The following MAGI2 variants were observed in gnomAD, a reference collection of about 807,000 sequenced individuals.
The protein encoded by MAGI2 is membrane-associated guanylate kinase, WW and PDZ domain-containing protein 2.
In MAGI2, 35 loss-of-function variants were observed where a neutral mutation model predicts 133.3. The ratio of observed to expected loss-of-function variants is 0.26; its 90% CI spans 0.20 to 0.35. The LOEUF is 0.35. Among genes scored for constraint, MAGI2 ranks in the 10% least tolerant of loss-of-function variants. The pLI, the probability that MAGI2 is intolerant of heterozygous loss-of-function variation, is 1.00. For synonymous variants in MAGI2, 729 were observed against 710.6 expected, an observed-to-expected ratio of 1.03 and a Z score of -0.41; for missense variants, 1,636 against 1,863.4, an observed-to-expected ratio of 0.88 and a Z score of 2.25.
intron 2 of MAGI2, among the ~76,000 whole-genome samples, chr7:79,005,574 G>A (rs1044729915): frequency 6.6e-6 from 1 of 152,016 alleles, no homozygotes; most frequent in South Asian, 2.1e-4. Context: ...CCTTAGCAAG[G>A]ACTACATGTA....
intron 9 of MAGI2, among the ~76,000 whole-genome samples, chr7:78,336,133 C>T (rs546829829): frequency 2.4e-4 from 37 of 152,234 alleles, no homozygotes; most frequent in Non-Finnish European, 1.5e-4. Flanking sequence ...AGGGTGGAGA[C>T]ATTTTAAGCA....
In MAGI2 at chr7:78,892,080, C is replaced by A. The variant is rs575996856; in HGVS notation, c.418+115010G>T. On this transcript the variant is annotated intron_variant, in intron 2 of 21. Transcript: ENST00000354212. The stretch of plus-strand genomic sequence containing the variant: ...AAAAATCACAAGCATTCTTATACAC[C>A]AATAGCAGACAAACAGAGAGCCAAA... 6.6e-4 allele frequency among the ~76,000 whole-genome samples: 101 copies of A among 152,180 alleles called. 1 individual carries two copies. Among genetic ancestry groups the A allele is most frequent in the African/African-American group, 2.2e-3 (92 of 41,504 alleles).
chr7:78,451,061 C>A (rs1788676476), intron 6 of MAGI2, among the ~76,000 whole-genome samples: 1 of 152,074 alleles, frequency 6.6e-6, no homozygotes, highest in African/African-American at 2.4e-5. Context: ...AGAAATATTT[C>A]TACATGCACC....
At chr7:79,354,436 C>T (rs889892852) in intron 1 of MAGI2, 1 of 152,298 alleles carries the variant, frequency 6.6e-6, no homozygotes, top group East Asian at 1.9e-4. Context: ...TTTGCCTCCA[C>T]CCCTAGTTAG....
At chr7:79,371,729 C>G (rs2129134086) in intron 1 of MAGI2, among the ~76,000 whole-genome samples, 1 of 152,226 alleles carries the variant, frequency 6.6e-6, no homozygotes, top group Non-Finnish European at 1.5e-5. Flanking sequence ...TATAGCCTGT[C>G]ATTAAGCATT....
At chr7:78,718,274 T>C (rs1475400121) in intron 2 of MAGI2, among the ~76,000 whole-genome samples, 1 of 152,140 alleles carries the variant, frequency 6.6e-6, no homozygotes, top group Non-Finnish European at 1.5e-5. Flanking sequence ...GTTTCCAGTG[T>C]AGTCACACCA....
At chr7:79,397,194 T>TATAA (rs1395456482) in intron 1 of MAGI2, among the ~76,000 whole-genome samples, 3 of 149,328 alleles carry the variant, frequency 2.0e-5, no homozygotes, top group African/African-American at 7.3e-5. Context: ...TTTTAGTATA[T>TATAA]ATAAATACAT....
chr7:78,943,414 T>C (rs1801147916), intron 2 of MAGI2, among the ~76,000 whole-genome samples: 1 of 152,122 alleles, frequency 6.6e-6, no homozygotes, highest in Non-Finnish European at 1.5e-5. Context: ...AACACTTACT[T>C]AAGAGAACAT....
chr7:78,753,119 A>G (rs577074387), intron 2 of MAGI2, among the ~76,000 whole-genome samples: 18 of 152,338 alleles, frequency 1.2e-4, no homozygotes, highest in African/African-American at 4.3e-4. Context: ...AATATCACTC[A>G]TACTCAAGAA....
rs75272408 is a variant in MAGI2 at position 78,346,758 on chromosome 7, T to C, written c.1104-715A>G. On this transcript the variant is annotated intron_variant, in intron 7 of 21. Coordinates refer to ENST00000354212, the MANE Select transcript of MAGI2 (RefSeq NM_012301.4). ...AGGCTGTTTGAAATGCAGAGTTCCTTATCTGTGGGGAGAGTAGAAACCAAC... is the reference window on the plus strand; with the variant it reads ...AGGCTGTTTGAAATGCAGAGTTCCTCATCTGTGGGGAGAGTAGAAACCAAC... Among the ~76,000 whole-genome samples the C allele has an allele frequency of 9.2e-5, 14 of 152,262 alleles. No homozygotes were observed. In the East Asian group the frequency reaches 2.7e-3, roughly 29 times the overall value.
intron 16 of MAGI2, among the ~76,000 whole-genome samples, chr7:78,139,169 T>C (rs534397681): frequency 6.6e-6 from 1 of 152,330 alleles, no homozygotes; most frequent in Admixed American, 6.5e-5. Flanking sequence ...TTGCATAAAA[T>C]GTAAGTGAGC....
At chr7:78,222,250 G>C (rs1408144166) in intron 10 of MAGI2, among the ~76,000 whole-genome samples, 1 of 152,114 alleles carries the variant, frequency 6.6e-6, no homozygotes, top group Non-Finnish European at 1.5e-5. Flanking sequence ...GCAAAAAATT[G>C]ATGTTGATTT....
At chr7:79,359,037 T>C (rs750117151) in intron 1 of MAGI2, among the ~76,000 whole-genome samples, 20 of 152,176 alleles carry the variant, frequency 1.3e-4, no homozygotes, top group African/African-American at 3.4e-4. Flanking sequence ...TGATGTTAAT[T>C]AGTTCTTCAA....
At chr7:78,355,882 T>C (rs1792026046) in intron 7 of MAGI2, among the ~76,000 whole-genome samples, 1 of 152,228 alleles carries the variant, frequency 6.6e-6, no homozygotes, top group Non-Finnish European at 1.5e-5. Flanking sequence ...AAGAACTCAG[T>C]GATCACGTGC....
intron 6 of MAGI2, among the ~76,000 whole-genome samples, chr7:78,447,378 TAA>T (rs61438029): frequency 1.5e-4 from 21 of 139,812 alleles, no homozygotes; most frequent in Admixed American, 1.4e-4. Context: ...TCCAGATGGC[TAA>T]AAAAAAAAAA....
chr7:78,567,141 C>T (rs1801021941), intron 3 of MAGI2, among the ~76,000 whole-genome samples: 1 of 152,150 alleles, frequency 6.6e-6, no homozygotes, highest in African/African-American at 2.4e-5. Context: ...ATAATTAACT[C>T]TTTTGAAAAA....
In MAGI2 at chr7:78,429,038, C is replaced by T. The variant is rs370908558; in HGVS notation, c.1046-59825G>A. Among the ~76,000 whole-genome samples the T allele has an allele frequency of 5.9e-5, 9 of 152,128 alleles. No individual in the cohort carries two copies. The East Asian group carries it at 7.7e-4, about 13-fold the overall frequency. On this transcript the variant is annotated intron_variant, in intron 6 of 21. Transcript: ENST00000354212. ...AGCATTAAGGTAGCACTTCAAAGCA[C>T]AATTATTATCATAAGGTATCTAGAG...
At chr7:79,021,325 G>A (rs1014591127) in intron 1 of MAGI2, among the ~76,000 whole-genome samples, 1 of 152,062 alleles carries the variant, frequency 6.6e-6, no homozygotes, top group African/African-American at 2.4e-5. Context: ...CCCTAGAATG[G>A]TTGATCCACA....
chr7:78,786,439 C>A (rs2151356283), intron 2 of MAGI2, among the ~76,000 whole-genome samples: 1 of 152,312 alleles, frequency 6.6e-6, no homozygotes, highest in Non-Finnish European at 1.5e-5. Flanking sequence ...AAAATATAAG[C>A]CAATGTCATA....
Sources: gnomAD v4.1 joint callset for allele counts (sites outside exome capture counted in the v4.1 genomes callset) on GRCh38, gnomAD v4.1.1 for gene constraint, MANE v1.5 for transcripts, NCBI Gene and HGNC (gene_info 2026-07-23, HGNC 2026-07-21) for gene names.